CXADR: variants seen among roughly 807,000 people sequenced by gnomAD.
CXADR encodes the protein coxsackievirus and adenovirus receptor.
In CXADR, 20 loss-of-function variants were observed where a neutral mutation model predicts 40.3. The observed-to-expected ratio is 0.50, with a 90% CI of 0.35 to 0.72. The LOEUF (loss-of-function observed/expected upper bound fraction) is 0.72, where lower values mean the gene tolerates loss of function less well. Ranked by LOEUF, CXADR falls within the 30% of genes least tolerant of loss-of-function variation. The probability of loss-of-function intolerance (pLI) is 0.01; values close to 1 mark genes in which losing one functional copy is unlikely to be tolerated. For missense variants in CXADR, 332 were observed against 449.1 expected (o/e 0.74, Z 2.36); for synonymous variants, 150 against 161.3 (o/e 0.93, Z 0.53).
At chr21:17,534,278 G>A (rs142557352) in intron 1 of CXADR, among the ~76,000 whole-genome samples, 1,619 of 151,370 alleles carry the variant, frequency 0.011, 16 homozygotes, top group East Asian at 0.051. Context: ...TGTATTTTTA[G>A]TAGAGACGGG....
intron 7 of CXADR, among the ~76,000 whole-genome samples, chr21:17,581,213 A>G (rs1444569937): frequency 6.6e-6 from 1 of 152,190 alleles, no homozygotes; most frequent in Non-Finnish European, 1.5e-5. Context: ...ATTGATGGTC[A>G]TTTAAATTAA....
intron 1 of CXADR, among the ~76,000 whole-genome samples, chr21:17,524,872 G>C (rs998872502): frequency 3.3e-5 from 5 of 152,092 alleles, no homozygotes; most frequent in Non-Finnish European, 7.3e-5. Context: ...TTGCACCACC[G>C]CACTCCAGCC....
chr21:17,604,117 A>G, the CXADR span: 7 of 1,282,280 alleles, frequency 5.5e-6, no homozygotes, highest in Non-Finnish European at 6.1e-6. Context: ...ATAAAAATAA[A>G]ACCACGAAGT....
At chr21:17,525,217 C>T (rs2060584613) in intron 1 of CXADR, among the ~76,000 whole-genome samples, 2 of 152,150 alleles carry the variant, frequency 1.3e-5, no homozygotes, top group Admixed American at 6.5e-5. Flanking sequence ...AAATCATTTT[C>T]ATTCTTTCAA....
intron 1 of CXADR, chr21:17,530,587 G>C (rs1393647730): frequency 1.0e-5 from 3 of 290,978 alleles, no homozygotes; most frequent in African/African-American, 6.8e-5. Context: ...GCCAAGATGG[G>C]CCTATCACTT....
rs368724573 is a variant in CXADR at position 17,534,083 on chromosome 21, T to C, written c.44-12944T>C. Among the ~76,000 whole-genome samples, 108 of 68,126 alleles carry C rather than the reference T, an allele frequency of 1.6e-3. 1 individual carries two copies. The highest frequency in any genetic ancestry group is 6.8e-3 in the African/African-American group (96 of 14,086). The allele number at this position is 68,126 out of a possible 152,430, so 44.7% of individuals were successfully genotyped here. On this transcript the variant is annotated intron_variant, in intron 1 of 6. Transcript: ENST00000284878. The stretch of plus-strand genomic sequence containing the variant: ...AGCTATATATATACACACACACACA[T>C]ATATATATATATATATATTTTTTTT...
At chr21:17,549,490 C>T (rs148537047) in intron 2 of CXADR, among the ~76,000 whole-genome samples, 1 of 152,284 alleles carries the variant, frequency 6.6e-6, no homozygotes, top group Admixed American at 6.5e-5. Context: ...TGGATCTGGT[C>T]TGCATCTTTG....
intron 1 of CXADR, among the ~76,000 whole-genome samples, chr21:17,529,052 T>C (rs1223967206): frequency 7.4e-6 from 1 of 135,532 alleles, no homozygotes; most frequent in Non-Finnish European, 1.6e-5. Flanking sequence ...TTTTTTTTTT[T>C]TTTTGAGACA....
intron 7 of CXADR, among the ~76,000 whole-genome samples, chr21:17,579,206 T>G (rs2061342362): frequency 6.6e-6 from 1 of 151,942 alleles, no homozygotes; most frequent in African/African-American, 2.4e-5. Flanking sequence ...GTGAGAGAGA[T>G]GGATGCAGAT....
intron 2 of CXADR, among the ~76,000 whole-genome samples, chr21:17,547,727 A>G (rs139739945): frequency 6.1e-4 from 92 of 151,774 alleles, no homozygotes; most frequent in African/African-American, 2.1e-3. Context: ...ATCCTGTCCA[A>G]TGAATTTTTT....
intron 1 of CXADR, among the ~76,000 whole-genome samples, chr21:17,532,358 G>A (rs1017627005): frequency 6.6e-6 from 1 of 152,042 alleles, no homozygotes; most frequent in Admixed American, 6.6e-5. Flanking sequence ...TGTACTCAAT[G>A]TTTCCCATTT....
At position 17,570,052 on chromosome 21, in the gene CXADR, T is replaced by C. The variant is rs1383789841; in HGVS notation, c.*4360T>C. On this transcript the variant is annotated 3_prime_UTR_variant, in exon 7 of 7. Transcript: ENST00000284878. ...AAATTTGTTAAGAAAAACAACTTGC[T>C]CTAGTTTTGTGACCTTGTGTACTTT... is the stretch of plus-strand genomic sequence containing the variant. 4.1e-6 allele frequency: 4 copies of C among 985,300 alleles called. No homozygotes were observed. Among genetic ancestry groups the C allele is most frequent in the Middle Eastern group, 1.0e-3 (2 of 1,936 alleles). 61.0% of individuals were successfully genotyped at this position (985,300 alleles called of 1,614,324 possible). A position where few individuals can be genotyped will look rare whatever the true frequency, so the allele number is the denominator to read the frequency against.
At chr21:17,531,875 G>A (rs1464638541) in intron 1 of CXADR, among the ~76,000 whole-genome samples, 3 of 151,852 alleles carry the variant, frequency 2.0e-5, no homozygotes. Flanking sequence ...GAGATTACAG[G>A]CTTGAGCTAC....
chr21:17,623,609 C>A, the CXADR span, among the ~76,000 whole-genome samples: 2 of 152,150 alleles, frequency 1.3e-5, no homozygotes, highest in Non-Finnish European at 2.9e-5. Flanking sequence ...ACTTGTGTAT[C>A]TAACAATGTG....
chr21:17,576,893 T>C (rs1055697786), intron 7 of CXADR: 1 of 151,964 alleles, frequency 6.6e-6, no homozygotes, highest in Non-Finnish European at 1.5e-5. Flanking sequence ...ACTTTTGCAC[T>C]TGACTGGTCT....
Position 17,566,044 on chromosome 21 carries a change from A to G in CXADR, c.*352A>G. On this transcript the variant is annotated 3_prime_UTR_variant, in exon 7 of 7. Transcript: ENST00000284878. ...ACTTGCATACCAAGTTGATACTTGAATAACCATCTGAAAGTGGTACTTGAT... is the reference window on the plus strand; with the variant it reads ...ACTTGCATACCAAGTTGATACTTGAGTAACCATCTGAAAGTGGTACTTGAT... The G allele has an allele frequency of 1.0e-6, 1 of 998,738 alleles. No homozygotes were observed. Among genetic ancestry groups the G allele is most frequent in the Non-Finnish European group, 1.2e-6 (1 of 838,926 alleles). The allele number at this position is 998,738 out of a possible 1,614,324, so 61.9% of individuals were successfully genotyped here. A position where few individuals can be genotyped will look rare whatever the true frequency, so the allele number is the denominator to read the frequency against.
intron 3 of CXADR, among the ~76,000 whole-genome samples, chr21:17,552,685 T>G (rs1370607466): frequency 2.0e-5 from 3 of 152,182 alleles, no homozygotes; most frequent in African/African-American, 7.2e-5. Context: ...TAGAAAAACA[T>G]AGCTGTCTAG....
chr21:17,609,591 A>G, the CXADR span, among the ~76,000 whole-genome samples: 1 of 152,252 alleles, frequency 6.6e-6, no homozygotes, highest in African/African-American at 2.4e-5. Context: ...GAGCTATTTT[A>G]TAACAGAAAA....
Position 17,569,611 on chromosome 21 carries a change from T to C in CXADR, c.*3919T>C. ...AATAAACACATTTGTGAATTGTGGT[T>C]CAGTTTATTTATCTTTAGGGAAGGC... On this transcript the variant is annotated 3_prime_UTR_variant, in exon 7 of 7. Coordinates refer to ENST00000284878, the MANE Select transcript of CXADR (RefSeq NM_001338.5). The C allele has an allele frequency of 7.1e-6, 7 of 984,824 alleles. No homozygotes were observed. Among genetic ancestry groups the C allele is most frequent in the Non-Finnish European group, 8.4e-6 (7 of 829,406 alleles). The allele number at this position is 984,824 out of a possible 1,614,324, so 61.0% of individuals were successfully genotyped here.
Sources: allele counts gnomAD v4.1 joint callset (sites outside exome capture counted in the v4.1 genomes callset), GRCh38; gene constraint gnomAD v4.1.1; transcripts MANE v1.5; gene names NCBI Gene and HGNC (gene_info 2026-07-23, HGNC 2026-07-21).